RABGAP1L: variants seen among roughly 807,000 people sequenced by gnomAD.
RABGAP1L encodes rab GTPase-activating protein 1-like.
In RABGAP1L, 63 loss-of-function variants were observed where a neutral mutation model predicts 137.7. The ratio of observed to expected loss-of-function variants is 0.46; its 90% CI spans 0.37 to 0.56. The LOEUF (loss-of-function observed/expected upper bound fraction) is 0.56. Among genes scored for constraint, RABGAP1L ranks in the 20% least tolerant of loss-of-function variants. The pLI, the probability that RABGAP1L is intolerant of heterozygous loss-of-function variation, is 0.00. For synonymous variants in RABGAP1L, 431 were observed against 433.7 expected (o/e 0.99, Z 0.08); for missense variants, 1,095 against 1,244.0 (o/e 0.88, Z 1.80).
At chr1:174,620,443 C>T (rs1672339940) in intron 13 of RABGAP1L, among the ~76,000 whole-genome samples, 1 of 152,074 alleles carries the variant, frequency 6.6e-6, no homozygotes, top group Admixed American at 6.6e-5. Flanking sequence ...TCTCTCAGAC[C>T]ACAGTGCAAT....
intron 12 of RABGAP1L, among the ~76,000 whole-genome samples, chr1:174,384,171 C>G (rs1045227840): frequency 6.6e-6 from 1 of 152,154 alleles, no homozygotes; most frequent in Non-Finnish European, 1.5e-5. Context: ...ATGCCAAAGT[C>G]AAGTGACTTA....
chr1:174,271,428 T>C (rs1179069140), intron 7 of RABGAP1L, among the ~76,000 whole-genome samples: 1 of 152,150 alleles, frequency 6.6e-6, no homozygotes, highest in Non-Finnish European at 1.5e-5. Context: ...AAAAATCTTA[T>C]GTTTAATATA....
At chr1:174,941,228 C>T (rs920118827) in intron 19 of RABGAP1L, among the ~76,000 whole-genome samples, 3 of 150,152 alleles carry the variant, frequency 2.0e-5, no homozygotes, top group Non-Finnish European at 4.5e-5. Context: ...TTAAAACACC[C>T]CAGTCTACAC....
chr1:174,199,337 G>A (rs1433583006), intron 1 of RABGAP1L, among the ~76,000 whole-genome samples: 1 of 151,994 alleles, frequency 6.6e-6, no homozygotes, highest in Non-Finnish European at 1.5e-5. Flanking sequence ...TACTGCCCAG[G>A]CTGAAGTGCA....
At chr1:174,522,314 A>G (rs1367700675) in intron 13 of RABGAP1L, among the ~76,000 whole-genome samples, 1 of 152,170 alleles carries the variant, frequency 6.6e-6, no homozygotes, top group African/African-American at 2.4e-5. Context: ...ACAGTGACTC[A>G]AACCTGTAAT....
chr1:174,626,391 G>T (rs563472402), intron 13 of RABGAP1L, among the ~76,000 whole-genome samples: 1 of 152,280 alleles, frequency 6.6e-6, no homozygotes, highest in African/African-American at 2.4e-5. Context: ...CAAGAACAAG[G>T]TACACATCAT....
chr1:174,291,025 G>T (rs1676550727), intron 10 of RABGAP1L, among the ~76,000 whole-genome samples: 1 of 152,110 alleles, frequency 6.6e-6, no homozygotes, highest in Non-Finnish European at 1.5e-5. Flanking sequence ...CTTTTAAAAT[G>T]CTGGGATTAC....
intron 13 of RABGAP1L, among the ~76,000 whole-genome samples, chr1:174,576,581 A>T (rs1487091387): frequency 6.6e-6 from 1 of 152,180 alleles, no homozygotes; most frequent in African/African-American, 2.4e-5. Flanking sequence ...AATCAGAAGC[A>T]TTTCATCTTT....
In RABGAP1L at chr1:174,829,777, TTATG is replaced by T. The variant is rs974579892; in HGVS notation, c.2340+17822_2340+17825del. On this transcript the variant is annotated intron_variant, in intron 19 of 25. Transcript: ENST00000681986. ...AATGATAGACTAGTTATTTCCATCT[TTATG>T]TATGAAGTTATAATCACATTTTATA... is the stretch of plus-strand genomic sequence containing the variant. Among the ~76,000 whole-genome samples the T allele has an allele frequency of 1.3e-4, 19 of 148,676 alleles. 3 individuals carry two copies. In the East Asian group the frequency reaches 3.4e-3, roughly 26 times the overall value.
intron 13 of RABGAP1L, among the ~76,000 whole-genome samples, chr1:174,513,500 T>A (rs1180503636): frequency 6.6e-6 from 1 of 152,012 alleles, no homozygotes; most frequent in Non-Finnish European, 1.5e-5. Context: ...TGTAGTCCAG[T>A]TACTCCAGAG....
At chr1:174,225,955 T>C (rs1670140094) in intron 3 of RABGAP1L, among the ~76,000 whole-genome samples, 1 of 152,182 alleles carries the variant, frequency 6.6e-6, no homozygotes, top group African/African-American at 2.4e-5. Context: ...AGATTGTAGA[T>C]GCTTACAGTA....
intron 17 of RABGAP1L, among the ~76,000 whole-genome samples, chr1:174,709,459 T>C (rs1680306503): frequency 6.6e-6 from 1 of 152,184 alleles, no homozygotes; most frequent in Admixed American, 6.5e-5. Flanking sequence ...CCCTCTCTGA[T>C]GAAGCTTCCA....
intron 2 of RABGAP1L, among the ~76,000 whole-genome samples, chr1:174,220,156 A>G (rs1025598552): frequency 1.3e-5 from 2 of 152,278 alleles, no homozygotes; most frequent in Non-Finnish European, 2.9e-5. Flanking sequence ...TGAGAAAACT[A>G]TGAGTCAACT....
chr1:174,589,237 C>T (rs1416210479), intron 13 of RABGAP1L, among the ~76,000 whole-genome samples: 1 of 152,074 alleles, frequency 6.6e-6, no homozygotes, highest in African/African-American at 2.4e-5. Context: ...CTGTTTGATA[C>T]TTGTATTTCT....
chr1:174,887,203 T>C (rs1655313638), intron 19 of RABGAP1L, among the ~76,000 whole-genome samples: 1 of 152,176 alleles, frequency 6.6e-6, no homozygotes, highest in African/African-American at 2.4e-5. Flanking sequence ...ATAGGAGTTG[T>C]GGGAGGGGAA....
chr1:174,183,728 A>G (rs1350162369), intron 1 of RABGAP1L, among the ~76,000 whole-genome samples: 1 of 152,084 alleles, frequency 6.6e-6, no homozygotes, highest in Non-Finnish European at 1.5e-5. Context: ...TATCATATGG[A>G]ATGGTTTCAC....
At chr1:174,881,492 CTTTTTTTTTTTTT>C (rs751296977) in intron 19 of RABGAP1L, among the ~76,000 whole-genome samples, 1 of 85,864 alleles carries the variant, frequency 1.2e-5, no homozygotes, top group African/African-American at 4.8e-5. Context: ...ATATCATTTG[CTTTTTTTTTTTTT>C]TTTTTTTTTT....
chr1:174,323,059 A>C (rs1463284026), intron 11 of RABGAP1L, among the ~76,000 whole-genome samples: 1 of 152,194 alleles, frequency 6.6e-6, no homozygotes. Context: ...CCATAAGAAT[A>C]TATTATACAC....
chr1:174,803,066 T>C (rs1361072412), intron 18 of RABGAP1L, among the ~76,000 whole-genome samples: 2 of 152,194 alleles, frequency 1.3e-5, no homozygotes, highest in East Asian at 3.8e-4. Flanking sequence ...TATTTTTTTT[T>C]CATCATAAAA....
Sources: allele counts gnomAD v4.1 joint callset (sites outside exome capture counted in the v4.1 genomes callset), GRCh38; gene constraint gnomAD v4.1.1; transcripts MANE v1.5; gene names NCBI Gene and HGNC (gene_info 2026-07-23, HGNC 2026-07-21).